Variants in ST7L observed in about 807,000 individuals in gnomAD.
The protein encoded by ST7L is suppressor of tumorigenicity 7 protein-like.
ST7L carries 57 observed loss-of-function variants against 72.5 expected under a neutral mutation model. That is an observed-to-expected ratio of 0.79 (90% CI 0.64 to 0.98). ST7L has a LOEUF of 0.98. Among genes scored for constraint, ST7L ranks in the 50% least tolerant of loss-of-function variants. The probability of loss-of-function intolerance (pLI) is 0.00; values close to 1 mark genes in which losing one functional copy is unlikely to be tolerated. For missense variants in ST7L, 576 were observed against 672.2 expected (o/e 0.86, Z 1.58); for synonymous variants, 221 against 240.9 (o/e 0.92, Z 0.77).
intron 11 of ST7L, 92 bp downstream of exon 11, chr1:112,576,894 C>T: frequency 2.2e-6 from 2 of 928,554 alleles, no homozygotes; most frequent in East Asian, 5.2e-5. Context: ...CAATTCTGCA[C>T]CAAATTATGG....
chr1:112,551,321 T>C (rs1658137696), intron 12 of ST7L, among the ~76,000 whole-genome samples: 1 of 151,976 alleles, frequency 6.6e-6, no homozygotes, highest in Non-Finnish European at 1.5e-5. Flanking sequence ...GCTAATTTTT[T>C]GTATTTTTAG....
chr1:112,533,206 C>T (rs534999514), intron 14 of ST7L, among the ~76,000 whole-genome samples: 69 of 152,078 alleles, frequency 4.5e-4, no homozygotes, highest in Non-Finnish European at 2.2e-4. Context: ...TATGCAGTAA[C>T]GTTTGAGTAT....
At chr1:112,584,340 C>G (rs1160005274) in intron 6 of ST7L, among the ~76,000 whole-genome samples, 1 of 149,378 alleles carries the variant, frequency 6.7e-6, no homozygotes, top group African/African-American at 2.5e-5. Flanking sequence ...TTATCTTTCC[C>G]TTCTCTTTGT....
intron 5 of ST7L, among the ~76,000 whole-genome samples, chr1:112,595,679 A>G (rs1486817790): frequency 6.6e-6 from 1 of 152,118 alleles, no homozygotes; most frequent in Non-Finnish European, 1.5e-5. Context: ...TTGGCCTCTC[A>G]AAGTGCTGGG....
downstream of ST7L, chr1:112,520,834 C>T: frequency 3.1e-6 from 1 of 321,276 alleles, no homozygotes; most frequent in South Asian, 6.2e-5. Context: ...CTTTCCTTTG[C>T]ACCAGCTTCC....
chr1:112,585,073 T>C (rs1664674859), intron 6 of ST7L, among the ~76,000 whole-genome samples: 1 of 152,244 alleles, frequency 6.6e-6, no homozygotes, highest in Non-Finnish European at 1.5e-5. Context: ...CTCAAAACTA[T>C]GCTTATGCCA....
chr1:112,533,519 G>A (rs1162145596), intron 14 of ST7L, among the ~76,000 whole-genome samples: 1 of 152,030 alleles, frequency 6.6e-6, no homozygotes, highest in Non-Finnish European at 1.5e-5. Flanking sequence ...GTTTCACCAT[G>A]TTGGCCAGGA....
In ST7L at chr1:112,618,720, C is replaced by A; in HGVS notation, c.205+189G>T. 5.6e-6 allele frequency: 7 copies of A among 1,257,556 alleles called. No homozygotes were observed. The South Asian group carries it at 1.2e-4, about 21-fold the overall frequency. 77.9% of individuals were successfully genotyped at this position (1,257,556 alleles called of 1,614,324 possible). ...GGACCTTAAGAGTTCTACGGAGGAG[C>A]CGGTAACGGCAGCAGGCTTGTCAAT... On this transcript the variant is annotated intron_variant, in intron 1 of 14. Coordinates refer to ENST00000358039, the MANE Select transcript of ST7L (RefSeq NM_017744.5).
At chr1:112,544,426 A>C (rs1656727685) in intron 13 of ST7L, among the ~76,000 whole-genome samples, 2 of 152,268 alleles carry the variant, frequency 1.3e-5, no homozygotes, top group Non-Finnish European at 2.9e-5. Flanking sequence ...GATTAAAGTA[A>C]AAGCACATCA....
rs747879924 is a variant in ST7L, at chr1:112,619,141, T to C, written c.-28A>G. On this transcript the variant is annotated 5_prime_UTR_variant, in exon 1 of 15. Transcript: ENST00000358039. ...TGCCGCTATCGCAGGCGCCAGGAGC[T>C]GGGAGGGGAGAAGGACAGGAAACCG... The C allele has an allele frequency of 9.3e-6, 15 of 1,608,046 alleles. No homozygotes were observed. Among genetic ancestry groups the C allele is most frequent in the Non-Finnish European group, 1.2e-5 (14 of 1,177,128 alleles).
chr1:112,611,204 A>G (rs1669018169), intron 2 of ST7L, among the ~76,000 whole-genome samples: 1 of 152,252 alleles, frequency 6.6e-6, no homozygotes, highest in African/African-American at 2.4e-5. Context: ...GTTCCGTCAT[A>G]AAATTTAGAC....
intron 7 of ST7L, 149 bp downstream of exon 7, chr1:112,583,823 G>T: frequency 1.2e-6 from 1 of 842,758 alleles, no homozygotes; most frequent in Non-Finnish European, 1.8e-6. Context: ...CTGTCTTGCT[G>T]GCTTGTAGGT....
At chr1:112,564,921 T>C (rs112363416) in intron 11 of ST7L, among the ~76,000 whole-genome samples, 29,850 of 151,846 alleles carry the variant, frequency 0.2, 3,300 homozygotes, top group Middle Eastern at 0.26. Context: ...GATTTTACTT[T>C]CTATGTATCA....
intron 11 of ST7L, among the ~76,000 whole-genome samples, chr1:112,559,804 C>T (rs1016748761): frequency 6.6e-6 from 1 of 151,756 alleles, no homozygotes; most frequent in Non-Finnish European, 1.5e-5. Context: ...GATGGTGAAA[C>T]CCCGTCTCTA....
chr1:112,534,443 T>C (rs906670626), intron 14 of ST7L, among the ~76,000 whole-genome samples: 1 of 152,196 alleles, frequency 6.6e-6, no homozygotes, highest in African/African-American at 2.4e-5. Flanking sequence ...TATGTTCCAA[T>C]GGCTCCAGTA....
intron 2 of ST7L, among the ~76,000 whole-genome samples, chr1:112,614,840 A>G (rs1669620703): frequency 6.6e-6 from 1 of 152,246 alleles, no homozygotes; most frequent in South Asian, 2.1e-4. Flanking sequence ...TGCATGGCAT[A>G]AAACTTCTTA....
chr1:112,560,339 A>G (rs1225036468), intron 11 of ST7L, among the ~76,000 whole-genome samples: 2 of 152,134 alleles, frequency 1.3e-5, no homozygotes, highest in Admixed American at 6.5e-5. Flanking sequence ...GTTTGCAGTG[A>G]GCCAAGATCG....
intron 1 of ST7L, chr1:112,618,380 A>G (rs1213887371): frequency 1.2e-5 from 6 of 494,112 alleles, no homozygotes; most frequent in Admixed American, 6.2e-5. Flanking sequence ...CTAAAAGAAC[A>G]GACAAAACTA....
intron 3 of ST7L, among the ~76,000 whole-genome samples, chr1:112,603,181 C>T (rs906394531): frequency 3.9e-5 from 6 of 152,114 alleles, no homozygotes; most frequent in African/African-American, 1.4e-4. Context: ...AAAGACTTTT[C>T]TGTGAGAATG....
Sources: gnomAD v4.1 joint callset for allele counts (sites outside exome capture counted in the v4.1 genomes callset) on GRCh38, gnomAD v4.1.1 for gene constraint, MANE v1.5 for transcripts, NCBI Gene and HGNC (gene_info 2026-07-23, HGNC 2026-07-21) for gene names.